The following PLD5 variants were observed in gnomAD, a reference collection of about 807,000 sequenced individuals.
PLD5 encodes phospholipase D family member 5.
A neutral mutation model predicts 61.1 loss-of-function variants in PLD5; 36 were observed. The observed-to-expected ratio is 0.59, with a 90% CI of 0.45 to 0.78. PLD5 has a LOEUF of 0.78. Among genes scored for constraint, PLD5 ranks in the 30% least tolerant of loss-of-function variants. PLD5 has a pLI of 0.00. For synonymous variants in PLD5, 243 were observed against 242.8 expected (o/e 1.00, Z -0.01); for missense variants, 515 against 644.4 (o/e 0.80, Z 2.17).
At chr1:242,434,366 G>A (rs1353908950) in intron 1 of PLD5, among the ~76,000 whole-genome samples, 1 of 152,198 alleles carries the variant, frequency 6.6e-6, no homozygotes, top group Non-Finnish European at 1.5e-5. Context: ...TACTGAAATG[G>A]GAAAAGCAAG....
intron 3 of PLD5, among the ~76,000 whole-genome samples, chr1:242,282,659 TAG>T (rs970863097): frequency 4.3e-4 from 65 of 152,286 alleles, no homozygotes; most frequent in African/African-American, 1.5e-3. Context: ...AGTGAATTCA[TAG>T]AGTGTGAGAT....
intron 4 of PLD5, chr1:242,235,337 T>C (rs1671567719): frequency 6.6e-6 from 1 of 152,188 alleles, no homozygotes; most frequent in South Asian, 2.1e-4. Flanking sequence ...AATAGGCCTG[T>C]GGCCATTCAA....
Position 242,136,834 on chromosome 1 carries a change from T to C in PLD5, c.736-12169A>G, listed in dbSNP as rs1439144434. ...TTGCAAAGTGATTGTCTCAAATCAATGTTTCAGTTAATGGAAGGAAGTCAT... is the reference window on the plus strand; with the variant it reads ...TTGCAAAGTGATTGTCTCAAATCAACGTTTCAGTTAATGGAAGGAAGTCAT... On this transcript the variant is annotated intron_variant, in intron 5 of 9. Transcript: ENST00000536534. Among the ~76,000 whole-genome samples, 4 of 152,198 alleles carry C rather than the reference T, an allele frequency of 2.6e-5. No individual in the cohort carries two copies. The East Asian group carries it at 7.7e-4, about 29-fold the overall frequency.
intron 5 of PLD5, among the ~76,000 whole-genome samples, chr1:242,132,147 GTCAAAATTAGTGAAAGGTGGTCA>G (rs1663311914): frequency 7.5e-6 from 1 of 133,284 alleles, no homozygotes; most frequent in Admixed American, 8.5e-5. Context: ...TTCTTATTTT[GTCAAAATTAGTGAAAGGTGGTCA>G]TCAAAGAGAA....
intron 4 of PLD5, among the ~76,000 whole-genome samples, chr1:242,261,225 TAC>T (rs1412732217): frequency 6.6e-6 from 1 of 152,164 alleles, no homozygotes; most frequent in Non-Finnish European, 1.5e-5. Flanking sequence ...AGAACTAAAA[TAC>T]AGTCACCTAA....
At chr1:242,229,061 G>C (rs1671132764) in intron 4 of PLD5, among the ~76,000 whole-genome samples, 1 of 152,130 alleles carries the variant, frequency 6.6e-6, no homozygotes. Flanking sequence ...AAATTGTTTA[G>C]TTGTGGCCTA....
intron 5 of PLD5, among the ~76,000 whole-genome samples, chr1:242,196,014 C>A (rs1668618763): frequency 6.6e-6 from 1 of 152,050 alleles, no homozygotes; most frequent in Non-Finnish European, 1.5e-5. Context: ...AAATGAGAAC[C>A]AGGCAGGCTT....
chr1:242,457,747 C>G (rs1000999755), intron 1 of PLD5, among the ~76,000 whole-genome samples: 5 of 152,220 alleles, frequency 3.3e-5, no homozygotes, highest in African/African-American at 1.2e-4. Context: ...CTCCAGCGAT[C>G]CAGGTCCGGC....
intron 1 of PLD5, among the ~76,000 whole-genome samples, chr1:242,469,184 A>G (rs551412245): frequency 6.6e-6 from 1 of 152,366 alleles, no homozygotes; most frequent in South Asian, 2.1e-4. Context: ...GCATTTCTAC[A>G]AGTGGGATTG....
Position 242,085,953 on chromosome 1 carries a change from A to G in PLD5, c.*3901T>C, listed in dbSNP as rs1409470030. 3 of 152,154 alleles carry G rather than the reference A, an allele frequency of 2.0e-5. No individual in the cohort carries two copies. Among genetic ancestry groups the G allele is most frequent in the Non-Finnish European group, 2.9e-5 (2 of 68,018 alleles). The allele number at this position is 152,154 out of a possible 1,614,324, so 9.4% of individuals were successfully genotyped here. A position where few individuals can be genotyped will look rare whatever the true frequency, so the allele number is the denominator to read the frequency against. ...GATCTGATCTTATCAAGAAATTCTT[A>G]TGGTCTTTTCTCCCCCCTTGGAATT... is the stretch of plus-strand genomic sequence containing the variant. On this transcript the variant is annotated 3_prime_UTR_variant, in exon 10 of 10. Coordinates refer to ENST00000536534, the MANE Select transcript of PLD5 (RefSeq NM_001372062.1).
intron 1 of PLD5, among the ~76,000 whole-genome samples, chr1:242,451,522 C>T (rs1666778957): frequency 1.4e-5 from 2 of 141,754 alleles, no homozygotes; most frequent in African/African-American, 2.6e-5. Flanking sequence ...TGCAATGACA[C>T]GATCATGGCT....
At chr1:242,475,466 C>CCT (rs1433421681) in intron 1 of PLD5, among the ~76,000 whole-genome samples, 2 of 151,712 alleles carry the variant, frequency 1.3e-5, no homozygotes, top group African/African-American at 4.8e-5. Flanking sequence ...AAAGGCTCCA[C>CCT]CTTGTGGGGA....
chr1:242,243,556 T>C (rs1162188260), intron 4 of PLD5, among the ~76,000 whole-genome samples: 6 of 152,174 alleles, frequency 3.9e-5, no homozygotes, highest in East Asian at 1.9e-4. Context: ...GAAATATTTA[T>C]TGAGCACTGG....
chr1:242,205,772 C>A (rs1338845470), intron 5 of PLD5, among the ~76,000 whole-genome samples: 2 of 152,216 alleles, frequency 1.3e-5, no homozygotes, highest in African/African-American at 4.8e-5. Flanking sequence ...AGTACCAGCA[C>A]TGAGCAGGGA....
chr1:242,262,751 G>A (rs1253013938), intron 4 of PLD5, among the ~76,000 whole-genome samples: 4 of 152,166 alleles, frequency 2.6e-5, no homozygotes, highest in African/African-American at 9.7e-5. Context: ...TGGAAATTCA[G>A]GTATAGGGAC....
Position 242,164,167 on chromosome 1 carries a change from GAA to G in PLD5, c.736-39504_736-39503del, listed in dbSNP as rs34329270. 6.9e-5 allele frequency among the ~76,000 whole-genome samples: 10 copies of G among 145,908 alleles called. No individual in the cohort carries two copies. The South Asian group carries it at 1.7e-3, about 25-fold the overall frequency. ...GCCATTGGTCATGCATCTGAATGCA[GAA>G]AAAAAAAAAAGAAATTCATGCAGTT... On this transcript the variant is annotated intron_variant, in intron 5 of 9. Transcript: ENST00000536534.
At chr1:242,348,801 T>C (rs1270240605) in intron 1 of PLD5, among the ~76,000 whole-genome samples, 2 of 152,134 alleles carry the variant, frequency 1.3e-5, no homozygotes, top group Non-Finnish European at 2.9e-5. Context: ...ATGCCTGTAA[T>C]CCTAGCACTT....
At chr1:242,125,572 A>G (rs560491817) in intron 5 of PLD5, among the ~76,000 whole-genome samples, 5 of 152,222 alleles carry the variant, frequency 3.3e-5, no homozygotes, top group Admixed American at 1.3e-4. Context: ...AATTTAGTCA[A>G]TGAAACTATA....
chr1:242,528,972 A>G (rs1669499127), upstream of PLD5, among the ~76,000 whole-genome samples: 1 of 152,224 alleles, frequency 6.6e-6, no homozygotes, highest in Admixed American at 6.5e-5. Flanking sequence ...AGCATGCTTT[A>G]TGTCCTCCTC....
Sources: allele counts gnomAD v4.1 joint callset (sites outside exome capture counted in the v4.1 genomes callset), GRCh38; gene constraint gnomAD v4.1.1; transcripts MANE v1.5; gene names NCBI Gene and HGNC (gene_info 2026-07-23, HGNC 2026-07-21).